MAP3K5: variants seen among roughly 807,000 people sequenced by gnomAD.
MAP3K5 encodes the protein mitogen-activated protein kinase kinase kinase 5.
MAP3K5 carries 56 observed loss-of-function variants against 158.7 expected under a neutral mutation model. The ratio of observed to expected loss-of-function variants is 0.35; its 90% CI spans 0.28 to 0.44. The LOEUF (loss-of-function observed/expected upper bound fraction) is 0.44, where lower values mean the gene tolerates loss of function less well. Ranked by LOEUF, MAP3K5 falls within the 20% of genes least tolerant of loss-of-function variation. The pLI, the probability that MAP3K5 is intolerant of heterozygous loss-of-function variation, is 1.00. For missense variants in MAP3K5, 1,294 were observed against 1,674.8 expected, an observed-to-expected ratio of 0.77 and a Z score of 3.97; for synonymous variants, 579 against 601.7, an observed-to-expected ratio of 0.96 and a Z score of 0.55.
chr6:136,658,968 T>C (rs967400093), intron 9 of MAP3K5, among the ~76,000 whole-genome samples: 3 of 152,252 alleles, frequency 2.0e-5, no homozygotes, highest in African/African-American at 7.2e-5. Flanking sequence ...TGGGTGACAC[T>C]GGCCAATCTG....
chr6:136,667,680 C>T (rs116485952), intron 8 of MAP3K5, among the ~76,000 whole-genome samples: 1 of 151,926 alleles, frequency 6.6e-6, no homozygotes, highest in Admixed American at 6.6e-5. Flanking sequence ...AAAACCTCAT[C>T]TTTACAAAAA....
At chr6:136,673,355 G>A (rs1310104200) in intron 7 of MAP3K5, among the ~76,000 whole-genome samples, 1 of 152,008 alleles carries the variant, frequency 6.6e-6, no homozygotes, top group East Asian at 1.9e-4. Flanking sequence ...AAAATGTCTG[G>A]GATACGAGAC....
At chr6:136,758,258 T>G (rs914328947) in intron 1 of MAP3K5, among the ~76,000 whole-genome samples, 1 of 152,232 alleles carries the variant, frequency 6.6e-6, no homozygotes, top group Non-Finnish European at 1.5e-5. Flanking sequence ...TTATATAATA[T>G]TTTAGAGCAC....
intron 9 of MAP3K5, among the ~76,000 whole-genome samples, chr6:136,658,745 T>C (rs887497688): frequency 3.3e-5 from 5 of 152,114 alleles, no homozygotes; most frequent in Non-Finnish European, 7.4e-5. Context: ...CACACAAATA[T>C]AAGAAACACT....
At chr6:136,690,985 G>C (rs1274576101) in intron 7 of MAP3K5, among the ~76,000 whole-genome samples, 1 of 151,800 alleles carries the variant, frequency 6.6e-6, no homozygotes, top group Non-Finnish European at 1.5e-5. Flanking sequence ...TGCTTGATTG[G>C]GTTTTTTTCT....
chr6:136,607,085 C>G (rs1326122788), intron 18 of MAP3K5, among the ~76,000 whole-genome samples: 2 of 152,190 alleles, frequency 1.3e-5, no homozygotes, highest in East Asian at 3.8e-4. Context: ...CCCACCTTTA[C>G]TACAAAATTG....
chr6:136,754,301 G>A (rs1367881698), intron 1 of MAP3K5, among the ~76,000 whole-genome samples: 2 of 151,806 alleles, frequency 1.3e-5, no homozygotes, highest in African/African-American at 4.8e-5. Flanking sequence ...ATCCCAGGCT[G>A]GGTGCAGTGG....
chr6:136,642,442 G>T, intron 12 of MAP3K5, 78 bp downstream of exon 12: 1 of 984,494 alleles, frequency 1.0e-6, no homozygotes, highest in Non-Finnish European at 1.6e-6. Context: ...TTAAAATCAT[G>T]ATTAGAAGTT....
chr6:136,595,169 G>A (rs1775567758), intron 21 of MAP3K5, among the ~76,000 whole-genome samples: 1 of 152,192 alleles, frequency 6.6e-6, no homozygotes, highest in Non-Finnish European at 1.5e-5. Flanking sequence ...TCAGGCTGGA[G>A]TGCAGTGGCA....
chr6:136,576,514 C>T (rs1774625086), intron 25 of MAP3K5, among the ~76,000 whole-genome samples: 4 of 152,000 alleles, frequency 2.6e-5, no homozygotes, highest in Admixed American at 1.3e-4. Context: ...GATATTTTGG[C>T]CAGGCTGGTC....
At position 136,561,568 on chromosome 6, in the gene MAP3K5, T is replaced by C; in HGVS notation, c.3952A>G (p.Arg1318Gly). 1 of 1,613,956 alleles carries C rather than the reference T, an allele frequency of 6.2e-7. No individual in the cohort carries two copies. Among genetic ancestry groups the C allele is most frequent in the Non-Finnish European group, 8.5e-7 (1 of 1,179,766 alleles). Residue 1318 changes from arginine to glycine, a missense_variant, in exon 28 of 30, where the codon AGA (arginine) becomes GGA (glycine). Physicochemically the swap from Arg to Gly is moderately radical, Grantham distance 125. Around this residue, in one of 5 missense-constraint regions of MAP3K5, gnomAD observed 199 missense variants for 220.3 expected, o/e 0.90. Coordinates refer to ENST00000359015, the MANE Select transcript of MAP3K5 (RefSeq NM_005923.4). Reference protein sequence around the residue: ...TEDSELTDWLRVNGADEDTIS... With the variant: ...TEDSELTDWLGVNGADEDTIS... ...GTGTCTTCATCAGCTCCATTCACTC[T>C]CAGCCAGTCGGTAAGTTCAGAATCT...
chr6:136,595,607 T>C (rs1372922173), intron 21 of MAP3K5, among the ~76,000 whole-genome samples: 3 of 152,166 alleles, frequency 2.0e-5, no homozygotes, highest in Admixed American at 6.6e-5. Flanking sequence ...CCTAAGAAAC[T>C]GAATGGATGC....
chr6:136,654,730 G>A (rs1486157113), intron 10 of MAP3K5, among the ~76,000 whole-genome samples: 1 of 152,122 alleles, frequency 6.6e-6, no homozygotes, highest in Non-Finnish European at 1.5e-5. Context: ...ACAAGTATAA[G>A]TCCTCATGCC....
At chr6:136,618,031 G>A (rs78082633) in intron 15 of MAP3K5, among the ~76,000 whole-genome samples, 1 of 152,144 alleles carries the variant, frequency 6.6e-6, no homozygotes, top group Non-Finnish European at 1.5e-5. Flanking sequence ...TGGATGATGA[G>A]AGCATACTAA....
Position 136,705,156 on chromosome 6 carries a change from TACC to T in MAP3K5, c.589-26_589-24del. The T allele has an allele frequency of 2.7e-6, 3 of 1,098,618 alleles. No homozygotes were observed. In the South Asian group the frequency reaches 4.5e-5, roughly 16 times the overall value. 68.1% of individuals were successfully genotyped at this position (1,098,618 alleles called of 1,614,324 possible). A position where few individuals can be genotyped will look rare whatever the true frequency, so the allele number is the denominator to read the frequency against. On this transcript the variant is annotated intron_variant, in intron 2 of 29. Transcript: ENST00000359015. ...TTCCTGAAAAACAAGAAAAAAAATATACCACAAGTTAATACAAAACTGAATAAT... is the reference window on the plus strand; with the variant it reads ...TTCCTGAAAAACAAGAAAAAAAATATACAAGTTAATACAAAACTGAATAAT...
Position 136,695,861 on chromosome 6 carries a change from C to A in MAP3K5, c.1082+90G>T, listed in dbSNP as rs1266848283. The stretch of plus-strand genomic sequence containing the variant: ...ATTACATTTTAATAGGGACTTCTTG[C>A]AATGCTGCAGTGAACACATTCTCTG... On this transcript the variant is annotated intron_variant, in intron 6 of 29. Coordinates refer to ENST00000359015, the MANE Select transcript of MAP3K5 (RefSeq NM_005923.4). 2.6e-5 allele frequency: 17 copies of A among 658,554 alleles called. No homozygotes were observed. The East Asian group carries it at 4.1e-4, about 16-fold the overall frequency. The allele number at this position is 658,554 out of a possible 1,614,324, so 40.8% of individuals were successfully genotyped here. A position where few individuals can be genotyped will look rare whatever the true frequency, so the allele number is the denominator to read the frequency against.
chr6:136,724,208 A>G (rs1474977056), intron 1 of MAP3K5, among the ~76,000 whole-genome samples: 2 of 152,158 alleles, frequency 1.3e-5, no homozygotes, highest in African/African-American at 4.8e-5. Context: ...AAATAAAATA[A>G]AAACACTGCA....
chr6:136,585,446 G>T (rs9376211), intron 23 of MAP3K5, among the ~76,000 whole-genome samples: 1 of 144,842 alleles, frequency 6.9e-6, no homozygotes, highest in Non-Finnish European at 1.5e-5. Context: ...CTTTGAGCAA[G>T]GCATATTGCT....
chr6:136,722,589 C>A (rs557161207), intron 1 of MAP3K5, among the ~76,000 whole-genome samples: 1 of 149,032 alleles, frequency 6.7e-6, no homozygotes, highest in East Asian at 2.0e-4. Context: ...AAGAAGTGGG[C>A]AAAGTAAAGG....
Sources: gnomAD v4.1 joint callset for allele counts (sites outside exome capture counted in the v4.1 genomes callset) on GRCh38, gnomAD v4.1.1 for gene constraint, gnomAD v4.1.1 regional missense constraint, MANE v1.5 for transcripts, NCBI Gene and HGNC (gene_info 2026-07-23, HGNC 2026-07-21) for gene names.